Variants in C3orf52 observed in about 807,000 individuals in gnomAD.
The protein encoded by C3orf52 is chromosome 3 open reading frame 52.
A neutral mutation model predicts 24.8 loss-of-function variants in C3orf52; 22 were observed. That is an observed-to-expected ratio of 0.89 (90% CI 0.63 to 1.27). The LOEUF is 1.27. C3orf52 is among the 50% of genes most tolerant of loss of function. The probability of loss-of-function intolerance (pLI) is 0.00; values close to 1 mark genes in which losing one functional copy is unlikely to be tolerated. For missense variants in C3orf52, 265 were observed against 260.7 expected, an observed-to-expected ratio of 1.02 and a Z score of -0.11; for synonymous variants, 93 against 100.2, an observed-to-expected ratio of 0.93 and a Z score of 0.43.
intron 3 of C3orf52, among the ~76,000 whole-genome samples, chr3:112,106,185 T>C (rs2074021580): frequency 6.6e-6 from 1 of 152,204 alleles, no homozygotes; most frequent in African/African-American, 2.4e-5. Flanking sequence ...TGGTGGATTA[T>C]TAGCTTGCTT....
At position 112,093,300 on chromosome 3, in the gene C3orf52, T is replaced by G. The variant is rs114567947; in HGVS notation, c.139-60T>G. 77 of 1,578,086 alleles carry G rather than the reference T, an allele frequency of 4.9e-5. No homozygotes were observed. In the African/African-American group the frequency reaches 9.0e-4, roughly 19 times the overall value. Reference sequence around the variant, plus strand: ...TTCTGTGTCTCTGGCACATCCTAGGTATTCAGAACTGTCTGTTGCAACACA... The same window carrying G: ...TTCTGTGTCTCTGGCACATCCTAGGGATTCAGAACTGTCTGTTGCAACACA... On this transcript the variant is annotated intron_variant, in intron 1 of 5. Coordinates refer to ENST00000264848, the MANE Select transcript of C3orf52 (RefSeq NM_024616.3).
At chr3:112,131,471 C>T (rs1225094184), downstream of C3orf52, among the ~76,000 whole-genome samples, 1 of 152,064 alleles carries the variant, frequency 6.6e-6, no homozygotes. Flanking sequence ...AATACGTTAA[C>T]GGAAACATTT....
rs897162011 is a variant in C3orf52 at position 112,110,089 on chromosome 3, C to T, written c.467+476C>T. ...TCACGCCTGTAATCCCAGCACTTTG[C>T]GAGGCCAAGGCGGGCAGATCACTTG... On this transcript the variant is annotated intron_variant, in intron 4 of 5. Transcript: ENST00000264848. 3.9e-5 allele frequency among the ~76,000 whole-genome samples: 6 copies of T among 152,076 alleles called. No individual in the cohort carries two copies. In the East Asian group the frequency reaches 5.8e-4, roughly 15 times the overall value.
chr3:112,116,929 A>G lies in C3orf52; in HGVS notation c.*283A>G. 6.5e-7 allele frequency: 1 copy of G among 1,534,612 alleles called. No individual in the cohort carries two copies. The highest frequency in any genetic ancestry group is 2.4e-5 in the East Asian group (1 of 40,856). ...CGGGTATGTCCCACTGTTGGAGGTCACTGGTATTCTGTTTGTTTTTGTTTT... is the reference window on the plus strand; with the variant it reads ...CGGGTATGTCCCACTGTTGGAGGTCGCTGGTATTCTGTTTGTTTTTGTTTT... On this transcript the variant is annotated 3_prime_UTR_variant, in exon 6 of 6. Coordinates refer to ENST00000264848, the MANE Select transcript of C3orf52 (RefSeq NM_024616.3).
chr3:112,107,625 A>G (rs1357767032), intron 3 of C3orf52, among the ~76,000 whole-genome samples: 1 of 152,226 alleles, frequency 6.6e-6, no homozygotes, highest in Non-Finnish European at 1.5e-5. Context: ...TGTTCATAAC[A>G]TGTAGGATTG....
downstream of C3orf52, chr3:112,133,053 C>T (rs746990706): frequency 4.4e-6 from 7 of 1,601,622 alleles, no homozygotes; most frequent in African/African-American, 4.0e-5. Context: ...ATTGTCCTGT[C>T]CCATCTCCTC....
chr3:112,132,391 G>C (rs1269632288), downstream of C3orf52, among the ~76,000 whole-genome samples: 1 of 152,144 alleles, frequency 6.6e-6, no homozygotes, highest in Non-Finnish European at 1.5e-5. Flanking sequence ...AGATTACCTT[G>C]TCTGTGGTGG....
At chr3:112,099,116 G>T (rs1478412713) in intron 2 of C3orf52, among the ~76,000 whole-genome samples, 2 of 152,126 alleles carry the variant, frequency 1.3e-5, no homozygotes, top group East Asian at 3.8e-4. Flanking sequence ...GGTAAGACAT[G>T]CTTGTTTCCC....
At position 112,100,756 on chromosome 3, in the gene C3orf52, T is replaced by G. The variant is rs545864995; in HGVS notation, c.269-2082T>G. ...AAGCTAAAAATGATAAATGTCATATTTAAGAAAATAGGTGAGCCTATTATG... is the reference window on the plus strand; with the variant it reads ...AAGCTAAAAATGATAAATGTCATATGTAAGAAAATAGGTGAGCCTATTATG... On this transcript the variant is annotated intron_variant, in intron 2 of 5. Coordinates refer to ENST00000264848, the MANE Select transcript of C3orf52 (RefSeq NM_024616.3). Among the ~76,000 whole-genome samples the G allele has an allele frequency of 3.4e-4, 52 of 152,226 alleles. 1 individual carries two copies. Among genetic ancestry groups the G allele is most frequent in the Non-Finnish European group, 6.5e-4 (44 of 68,040 alleles).
chr3:112,123,436 T>C, intron 4 of C3orf52: 1 of 1,609,142 alleles, frequency 6.2e-7, no homozygotes, highest in Non-Finnish European at 8.5e-7. Context: ...GCTAAACAAA[T>C]GCTAGTCCAG....
intron 2 of C3orf52, 100 bp from the exon 3 acceptor site, chr3:112,102,738 A>G (rs550403950): frequency 7.1e-5 from 79 of 1,111,128 alleles, no homozygotes; most frequent in Non-Finnish European, 9.6e-5. Context: ...TGATGCTCAT[A>G]GTTATGTTTA....
In C3orf52 at chr3:112,102,844, A is replaced by G; in HGVS notation, c.275A>G (p.Tyr92Cys). 1.3e-6 allele frequency: 2 copies of G among 1,561,762 alleles called. No individual in the cohort carries two copies. Among genetic ancestry groups the G allele is most frequent in the Non-Finnish European group, 1.7e-6 (2 of 1,152,110 alleles). ...IIGLCLAAVT[Y>C]VDEDENEILE... ...CCTCCCCTACTTTCTTTAGTAACTT[A>G]TGTTGATGAAGATGAAAATGAAATA... Residue 92 changes from tyrosine to cysteine, a missense_variant, in exon 3 of 6, where the codon TAT becomes TGT. Tyr to Cys is a radical substitution (Grantham distance 194, BLOSUM62 -2). Coordinates refer to ENST00000264848, the MANE Select transcript of C3orf52 (RefSeq NM_024616.3).
At chr3:112,092,052 G>A (rs1185846565) in intron 1 of C3orf52, among the ~76,000 whole-genome samples, 1 of 152,024 alleles carries the variant, frequency 6.6e-6, no homozygotes, top group African/African-American at 2.4e-5. Flanking sequence ...AGCAGGCCAG[G>A]TGGCCAGGTG....
chr3:112,112,881 A>G, intron 4 of C3orf52, 83 bp from the exon 5 acceptor site: 1 of 1,230,848 alleles, frequency 8.1e-7, no homozygotes. Flanking sequence ...AAAACTAAAA[A>G]AAAAAAAAGT....
chr3:112,131,774 GTCTTA>G (rs2074458885), downstream of C3orf52, among the ~76,000 whole-genome samples: 1 of 152,150 alleles, frequency 6.6e-6, no homozygotes, highest in South Asian at 2.1e-4. Flanking sequence ...GAGTTGATTT[GTCTTA>G]TCTTAGGAAG....
downstream of C3orf52, chr3:112,132,824 T>G: frequency 2.5e-6 from 1 of 404,170 alleles, no homozygotes; most frequent in Non-Finnish European, 4.1e-6. Flanking sequence ...TGGTAACCTA[T>G]TATATAGACC....
chr3:112,089,639 G>A (rs2073860558), intron 1 of C3orf52, among the ~76,000 whole-genome samples: 1 of 151,994 alleles, frequency 6.6e-6, no homozygotes. Context: ...TTTTGTGCTT[G>A]GATCAAACAA....
At chr3:112,136,363 G>A in the C3orf52 span, among the ~76,000 whole-genome samples, 1 of 152,124 alleles carries the variant, frequency 6.6e-6, no homozygotes, top group African/African-American at 2.4e-5. Flanking sequence ...AGAAATAAAA[G>A]TGTTTTCTTT....
intron 2 of C3orf52, among the ~76,000 whole-genome samples, chr3:112,101,233 G>T (rs547480513): frequency 6.6e-6 from 1 of 152,266 alleles, no homozygotes; most frequent in South Asian, 2.1e-4. Flanking sequence ...TACAGCAAAA[G>T]GATACATTAC....
Sources: gnomAD v4.1 joint callset for allele counts (sites outside exome capture counted in the v4.1 genomes callset) on GRCh38, gnomAD v4.1.1 for gene constraint, MANE v1.5 for transcripts, NCBI Gene and HGNC (gene_info 2026-07-23, HGNC 2026-07-21) for gene names.